The following MYH7 variants were observed in gnomAD, a reference collection of about 807,000 sequenced individuals.
The protein encoded by MYH7 is myosin heavy chain 7.
MYH7 carries 129 observed loss-of-function variants against 225.4 expected under a neutral mutation model. The ratio of observed to expected loss-of-function variants is 0.57; its 90% CI spans 0.50 to 0.66. The LOEUF (loss-of-function observed/expected upper bound fraction) is 0.66, where lower values mean the gene tolerates loss of function less well. MYH7 is among the 30% of genes least tolerant of loss of function. The probability of loss-of-function intolerance (pLI) is 0.00; values close to 1 mark genes in which losing one functional copy is unlikely to be tolerated. For missense variants in MYH7, 1,649 were observed against 2,517.0 expected (o/e 0.66, Z 7.38); for synonymous variants, 971 against 1,007.6 (o/e 0.96, Z 0.69).
At chr14:23,431,338 G>T in intron 9 of MYH7, 80 bp downstream of exon 9, 1 of 1,360,796 alleles carries the variant, frequency 7.3e-7, no homozygotes, top group Non-Finnish European at 1.0e-6. Context: ...GGGAGGGAGG[G>T]GAGAGAGAGA....
intron 18 of MYH7, 89 bp from the exon 19 acceptor site, chr14:23,426,170 T>C (rs1774549792): frequency 7.1e-7 from 1 of 1,417,032 alleles, no homozygotes; most frequent in South Asian, 1.2e-5. Flanking sequence ...GATTAGCTTG[T>C]AATCTTAGCA....
Position 23,428,596 on chromosome 14 carries a change from A to G in MYH7, c.1482T>C (p.Phe494=), listed in dbSNP as rs587781088. ...TCTTGTACTCCTCCTGCTCCAGCAC[A>G]AACATGTGGTGGTTGAAGAACTGCT... The part of the protein sequence containing the change: ...KLQQFFNHHM[F]VLEQEEYKKE... The change falls in exon 15 of 40, where the codon TTT becomes TTC. Residue 494 remains phenylalanine (F), a synonymous_variant. Coordinates refer to ENST00000355349, the MANE Select transcript of MYH7 (RefSeq NM_000257.4). 2.9e-5 allele frequency: 46 copies of G among 1,614,002 alleles called. No homozygotes were observed. Among genetic ancestry groups the G allele is most frequent in the East Asian group, 1.6e-4 (7 of 44,888 alleles).
At position 23,415,667 on chromosome 14, in the gene MYH7, T is replaced by A. The variant is rs763791649; in HGVS notation, c.5119A>T (p.Ile1707Phe). 1.2e-6 allele frequency: 2 copies of A among 1,613,990 alleles called. No homozygotes were observed. Among genetic ancestry groups the A allele is most frequent in the Non-Finnish European group, 1.7e-6 (2 of 1,180,030 alleles). The change falls in exon 35 of 40, where the codon ATT becomes TTT. Residue 1707 changes from isoleucine to phenylalanine, a missense_variant. By Grantham distance (21) the Ile-to-Phe change is conservative (BLOSUM62 0). Transcript: ENST00000355349. The surrounding 1 kb of genome is among the most constrained non-coding windows in gnomAD (Gnocchi z 6.3). The part of the protein sequence containing the change: ...RSRKLAEQEL[I>F]ETSERVQLLH... ...AGCTGCACCCGCTCACTAGTCTCAA[T>A]CAGCTCCTGCTCCGCCAGCTTCCGG...
Position 23,427,311 on chromosome 14 carries a change from C to T in MYH7, c.1889-4G>A, listed in dbSNP as rs778240884. The T allele has an allele frequency of 1.9e-6, 3 of 1,614,050 alleles. No individual in the cohort carries two copies. In the South Asian group the frequency reaches 3.3e-5, roughly 18 times the overall value. On this transcript the variant is annotated splice_polypyrimidine_tract_variant and splice_region_variant and intron_variant, in intron 16 of 39. Transcript: ENST00000355349. ...TTGCCTTTGCCCTTCTCAATAGCTG[C>T]AGGAAGGAGAGTCAACAAAAGAAGC...
chr14:23,423,458 C>T (rs959662746), intron 24 of MYH7, 89 bp downstream of exon 24: 2 of 1,378,050 alleles, frequency 1.5e-6, no homozygotes, highest in South Asian at 2.3e-5. Flanking sequence ...CACACACACA[C>T]ACACACACAC....
At position 23,431,434 on chromosome 14, in the gene MYH7, A is replaced by G; in HGVS notation, c.780T>C (p.Ser260=). The G allele has an allele frequency of 6.2e-7, 1 of 1,614,204 alleles. No homozygotes were observed. Among genetic ancestry groups the G allele is most frequent in the Non-Finnish European group, 8.5e-7 (1 of 1,180,006 alleles). ...GGCACTCACAGGTCTCTATGTCTGC[A>G]GATGCCAACTTTCCTGTTGCCCCAA... ...IHFGATGKLA[S]ADIETYLLEK... Residue 260 remains serine, a synonymous_variant, in exon 9 of 40, where the codon TCT becomes TCC. Transcript: ENST00000355349.
intron 28 of MYH7, 83 bp from the exon 29 acceptor site, chr14:23,419,378 CTCTGTG>C: frequency 6.2e-7 from 1 of 1,612,654 alleles, no homozygotes; most frequent in Non-Finnish European, 8.5e-7. Context: ...TCTGGAGAGA[CTCTGTG>C]TCTGTGTGTG....
chr14:23,434,073 T>A, intron 2 of MYH7, 121 bp downstream of exon 2: 1 of 658,818 alleles, frequency 1.5e-6, no homozygotes, highest in Non-Finnish European at 2.2e-6. Flanking sequence ...GGTAAGTAGC[T>A]CTTGATAGCC....
intron 26 of MYH7, 54 bp downstream of exon 26, chr14:23,420,904 G>T: frequency 7.2e-7 from 1 of 1,391,956 alleles, no homozygotes; most frequent in Non-Finnish European, 1.0e-6. Flanking sequence ...AGGGGGCAGG[G>T]GAAACAGAAC....
Position 23,433,487 on chromosome 14 carries a change from T to A in MYH7, c.201+45A>T. The A allele has an allele frequency of 6.3e-7, 1 of 1,587,254 alleles. No individual in the cohort carries two copies. Among genetic ancestry groups the A allele is most frequent in the South Asian group, 1.1e-5 (1 of 90,414 alleles). On this transcript the variant is annotated intron_variant, in intron 3 of 39. Transcript: ENST00000355349. This position sits in a 1 kb window ranked among gnomAD's most constrained non-coding sequence, Gnocchi z 4.1. Reference sequence around the variant, plus strand: ...GTGTACCCCTCTCTGTCCACCCAGGTGTACAGGTGGCCAGGGTGGACTCTC... The same window carrying A: ...GTGTACCCCTCTCTGTCCACCCAGGAGTACAGGTGGCCAGGGTGGACTCTC...
intron 24 of MYH7, among the ~76,000 whole-genome samples, chr14:23,422,678 T>C (rs1317481186): frequency 2.1e-5 from 3 of 145,452 alleles, no homozygotes; most frequent in African/African-American, 7.6e-5. Flanking sequence ...GTCGCCAGGC[T>C]GGAGTGCAGT....
intron 9 of MYH7, 129 bp from the exon 10 acceptor site, chr14:23,431,128 A>G (rs888134528): frequency 2.0e-5 from 15 of 750,314 alleles, no homozygotes; most frequent in Non-Finnish European, 3.0e-5. Flanking sequence ...TTGGACAGAC[A>G]CAAAGAGATC....
chr14:23,430,878 C>T (rs755109233), intron 10 of MYH7, 23 bp downstream of exon 10: 2 of 1,573,574 alleles, frequency 1.3e-6, no homozygotes, highest in Non-Finnish European at 1.7e-6. Flanking sequence ...GATAGTTGGT[C>T]TCAGTCGGTG....
rs111278778 is a variant in MYH7 at position 23,425,227 on chromosome 14, C to T, written c.2423+55G>A. On this transcript the variant is annotated intron_variant, in intron 21 of 39. Transcript: ENST00000355349. The surrounding 1 kb of genome is among the most constrained non-coding windows in gnomAD (Gnocchi z 4.6). The stretch of plus-strand genomic sequence containing the variant: ...CTGAGCTTTTTTTCCTGACACTGCC[C>T]CTGAACCAGCCTGGGCCTCAGAGAA... 55 of 1,613,856 alleles carry T rather than the reference C, an allele frequency of 3.4e-5. No homozygotes were observed. The African/African-American group carries it at 4.9e-4, about 14-fold the overall frequency.
rs763119156 is a variant in MYH7, at chr14:23,420,152, G to A, written c.3419C>T (p.Ser1140Phe). 6.9e-6 allele frequency: 11 copies of A among 1,604,686 alleles called. No homozygotes were observed. The highest frequency in any genetic ancestry group is 9.3e-6 in the Non-Finnish European group (11 of 1,177,684). ...CTCGCTGATCTCCTCCAGCTCCCGAGACAGGTCTGAGCGCAGCTTCTCCAC... is the reference window on the plus strand; with the variant it reads ...CTCGCTGATCTCCTCCAGCTCCCGAAACAGGTCTGAGCGCAGCTTCTCCAC... ...AKVEKLRSDLSRELEEISERL... is the reference protein window; with the variant it reads ...AKVEKLRSDLFRELEEISERL... The change falls in exon 27 of 40, where the codon TCT (serine) becomes TTT (phenylalanine). Residue 1140 changes from serine to phenylalanine, a missense_variant. Physicochemically the swap from Ser to Phe is radical, Grantham distance 155. Coordinates refer to ENST00000355349, the MANE Select transcript of MYH7 (RefSeq NM_000257.4).
At chr14:23,417,825 G>A (rs1892288874) in intron 30 of MYH7, 139 bp from the exon 31 acceptor site, 3 of 1,217,354 alleles carry the variant, frequency 2.5e-6, no homozygotes, top group African/African-American at 3.0e-5. Flanking sequence ...AGGTCCCAGG[G>A]GCCGAGAACA....
chr14:23,422,171 A>C lies in MYH7; in HGVS notation c.3245+9T>G, dbSNP rs1387869555. On this transcript the variant is annotated intron_variant, in intron 25 of 39. Coordinates refer to ENST00000355349, the MANE Select transcript of MYH7 (RefSeq NM_000257.4). ...GAGGAGGAAGGGCAGCAGGGAGGGG[A>C]CACAGTACTTTTTCAGCCGCTCATC... 1 of 1,612,212 alleles carries C rather than the reference A, an allele frequency of 6.2e-7. No homozygotes were observed. Among genetic ancestry groups the C allele is most frequent in the Non-Finnish European group, 8.5e-7 (1 of 1,179,942 alleles).
chr14:23,415,849 T>C lies in MYH7; in HGVS notation c.4954-17A>G. On this transcript the variant is annotated splice_polypyrimidine_tract_variant and intron_variant, in intron 34 of 39. Transcript: ENST00000355349. This position sits in a 1 kb window ranked among gnomAD's most constrained non-coding sequence, Gnocchi z 6.3. ...CTGGGTGTCCTGAGGATCAGGAGAG[T>C]GGGCATGAGCAGGGAGCCAGCCTCG... is the stretch of plus-strand genomic sequence containing the variant. 1 of 1,613,740 alleles carries C rather than the reference T, an allele frequency of 6.2e-7. No homozygotes were observed. Among genetic ancestry groups the C allele is most frequent in the Non-Finnish European group, 8.5e-7 (1 of 1,179,916 alleles).
Position 23,433,847 on chromosome 14 carries a change from G to A in MYH7, c.-8-107C>T. The A allele has an allele frequency of 9.1e-7, 1 of 1,104,308 alleles. No individual in the cohort carries two copies. The highest frequency in any genetic ancestry group is 2.5e-5 in the East Asian group (1 of 39,854). 68.4% of individuals were successfully genotyped at this position (1,104,308 alleles called of 1,614,324 possible). A position where few individuals can be genotyped will look rare whatever the true frequency, so the allele number is the denominator to read the frequency against. On this transcript the variant is annotated intron_variant, in intron 2 of 39. Transcript: ENST00000355349. This position sits in a 1 kb window ranked among gnomAD's most constrained non-coding sequence, Gnocchi z 4.1. ...CCAAAACCTAGCACCATGCTCAAGA[G>A]TCAAGAGGAGTTACCAGTGAGTCCC...
Sources: gnomAD v4.1 joint callset for allele counts (sites outside exome capture counted in the v4.1 genomes callset) on GRCh38, gnomAD v4.1.1 for gene constraint, Gnocchi (gnomAD v3.1) non-coding constraint, MANE v1.5 for transcripts, NCBI Gene and HGNC (gene_info 2026-07-23, HGNC 2026-07-21) for gene names.